The following SNX24 variants were observed in gnomAD, a reference collection of about 807,000 sequenced individuals.
The protein encoded by SNX24 is sorting nexin-24.
In SNX24, 22 loss-of-function variants were observed where a neutral mutation model predicts 28.7. That is an observed-to-expected ratio of 0.77 (90% CI 0.55 to 1.10). The LOEUF is 1.10. SNX24 is among the 50% of genes least tolerant of loss of function. The pLI is 0.00. For missense variants in SNX24, 221 were observed against 201.1 expected, an observed-to-expected ratio of 1.10 and a Z score of -0.60; for synonymous variants, 69 against 71.5, an observed-to-expected ratio of 0.96 and a Z score of 0.18.
In SNX24 at chr5:122,917,023, C is replaced by G. The variant is rs1226156747; in HGVS notation, c.61-19711C>G. 4.6e-5 allele frequency among the ~76,000 whole-genome samples: 7 copies of G among 152,164 alleles called. 1 individual carries two copies. Among genetic ancestry groups the G allele is most frequent in the Admixed American group, 4.6e-4 (7 of 15,282 alleles). On this transcript the variant is annotated intron_variant, in intron 1 of 6. Coordinates refer to ENST00000261369, the MANE Select transcript of SNX24 (RefSeq NM_014035.4). ...GTGGCTCACGCCTGTAATCCCAACA[C>G]TTTGAGAGGCTGAGGGGGACGGATC...
chr5:122,896,401 T>C (rs971946059), intron 1 of SNX24, among the ~76,000 whole-genome samples: 3 of 152,204 alleles, frequency 2.0e-5, no homozygotes, highest in Non-Finnish European at 1.5e-5. Context: ...ACAGGATTTA[T>C]CATGCACATG....
chr5:123,015,304 A>G (rs1246041965), intron 5 of SNX24, among the ~76,000 whole-genome samples: 2 of 152,160 alleles, frequency 1.3e-5, no homozygotes, highest in East Asian at 1.9e-4. Context: ...TGAGTAAATG[A>G]CCTTGAAATC....
intron 1 of SNX24, among the ~76,000 whole-genome samples, chr5:122,885,107 G>C (rs1378405737): frequency 6.6e-6 from 1 of 152,174 alleles, no homozygotes; most frequent in Non-Finnish European, 1.5e-5. Flanking sequence ...CTTGAATGGG[G>C]TTAGGGAAGC....
chr5:122,860,027 A>C lies in SNX24; in HGVS notation c.60+14334A>C, dbSNP rs180881505. On this transcript the variant is annotated intron_variant, in intron 1 of 6. Transcript: ENST00000261369. ...AGACAATAGGTGACAAATGTTTCCT[A>C]TTCAGATCTTAGTTAATCTCTTTAG... 4.6e-5 allele frequency among the ~76,000 whole-genome samples: 7 copies of C among 152,352 alleles called. No homozygotes were observed. The East Asian group carries it at 1.3e-3, about 29-fold the overall frequency.
intron 1 of SNX24, among the ~76,000 whole-genome samples, chr5:122,902,433 C>A (rs1757482173): frequency 1.3e-5 from 2 of 152,168 alleles, no homozygotes; most frequent in Non-Finnish European, 2.9e-5. Context: ...AACCACACAG[C>A]CCAGTGGCAG....
At chr5:122,932,226 C>A (rs1758986934) in intron 1 of SNX24, among the ~76,000 whole-genome samples, 1 of 152,196 alleles carries the variant, frequency 6.6e-6, no homozygotes, top group Admixed American at 6.5e-5. Flanking sequence ...TTTTGTTATG[C>A]AAACCTGAAT....
chr5:122,897,288 G>C (rs1020933159), intron 1 of SNX24, among the ~76,000 whole-genome samples: 1 of 152,090 alleles, frequency 6.6e-6, no homozygotes, highest in Non-Finnish European at 1.5e-5. Flanking sequence ...CAGTAAGCCA[G>C]AATGTTTATA....
At chr5:122,939,872 T>G (rs1759364041) in intron 2 of SNX24, among the ~76,000 whole-genome samples, 1 of 152,226 alleles carries the variant, frequency 6.6e-6, no homozygotes, top group African/African-American at 2.4e-5. Context: ...ACACTGAAGT[T>G]ACAAAGCTTA....
intron 3 of SNX24, among the ~76,000 whole-genome samples, chr5:122,969,801 C>T (rs1373504505): frequency 6.6e-6 from 1 of 151,990 alleles, no homozygotes; most frequent in African/African-American, 2.4e-5. Context: ...CTTTATATTC[C>T]ACATCCATTA....
chr5:122,882,952 G>T (rs1756546270), intron 1 of SNX24, among the ~76,000 whole-genome samples: 2 of 152,078 alleles, frequency 1.3e-5, no homozygotes, highest in South Asian at 4.2e-4. Context: ...GAGAAAGCTG[G>T]GCAGGGAGAC....
intron 6 of SNX24, among the ~76,000 whole-genome samples, chr5:123,004,861 G>A (rs950557567): frequency 6.8e-6 from 1 of 147,498 alleles, no homozygotes; most frequent in South Asian, 2.1e-4. Flanking sequence ...CCCTCTCCAC[G>A]AGCCCCTCTA....
chr5:122,934,220 G>A (rs1759088360), intron 1 of SNX24, among the ~76,000 whole-genome samples: 1 of 152,118 alleles, frequency 6.6e-6, no homozygotes, highest in Non-Finnish European at 1.5e-5. Flanking sequence ...ACCTCACGAG[G>A]TGCCTAATCA....
At chr5:122,917,669 C>G (rs1758239862) in intron 1 of SNX24, among the ~76,000 whole-genome samples, 1 of 152,170 alleles carries the variant, frequency 6.6e-6, no homozygotes, top group African/African-American at 2.4e-5. Flanking sequence ...TGCCCAAAAT[C>G]TGTTAGCACA....
intron 1 of SNX24, among the ~76,000 whole-genome samples, chr5:122,913,856 C>G (rs958894365): frequency 2.0e-5 from 3 of 152,348 alleles, no homozygotes. Context: ...GTCTGCAATC[C>G]TGGCACCTTG....
intron 3 of SNX24, among the ~76,000 whole-genome samples, chr5:122,992,898 G>A (rs1425535376): frequency 6.6e-6 from 1 of 150,972 alleles, no homozygotes; most frequent in East Asian, 1.9e-4. Context: ...AAAGACTATT[G>A]ATTTTCCAAT....
chr5:122,881,778 A>G (rs981956394), intron 1 of SNX24, among the ~76,000 whole-genome samples: 1 of 150,146 alleles, frequency 6.7e-6, no homozygotes, highest in Non-Finnish European at 1.5e-5. Context: ...TATGATAAAT[A>G]TAAGTATCTT....
At chr5:122,936,138 A>G (rs1397491747) in intron 1 of SNX24, among the ~76,000 whole-genome samples, 1 of 152,176 alleles carries the variant, frequency 6.6e-6, no homozygotes, top group Non-Finnish European at 1.5e-5. Flanking sequence ...AACCTTGTGG[A>G]GCTAGGAGCA....
intron 1 of SNX24, among the ~76,000 whole-genome samples, chr5:122,923,276 C>G (rs960832185): frequency 9.3e-5 from 14 of 151,284 alleles, no homozygotes; most frequent in African/African-American, 3.2e-4. Context: ...GAGCTCAAGG[C>G]TGCCATGAGG....
In SNX24 at chr5:122,982,186, G is replaced by C. The variant is rs115245960; in HGVS notation, c.250-17726G>C. ...AAAGGAAGGAGAACCTCAATTTCTT[G>C]AGCATCTCCTATGTCAAGGGCATGC... On this transcript the variant is annotated intron_variant, in intron 3 of 6. Coordinates refer to ENST00000261369, the MANE Select transcript of SNX24 (RefSeq NM_014035.4). Among the ~76,000 whole-genome samples, 1,259 of 152,270 alleles carry C rather than the reference G, an allele frequency of 8.3e-3. 17 individuals carry two copies. The highest frequency in any genetic ancestry group is 0.029 in the African/African-American group (1,194 of 41,548).
Sources: gnomAD v4.1 joint callset for allele counts (sites outside exome capture counted in the v4.1 genomes callset) on GRCh38, gnomAD v4.1.1 for gene constraint, MANE v1.5 for transcripts, NCBI Gene and HGNC (gene_info 2026-07-23, HGNC 2026-07-21) for gene names.